Variants in CLVS1 observed in about 807,000 individuals in gnomAD.
CLVS1 encodes the protein clavesin 1.
Under a neutral mutation model 33.1 loss-of-function variants are expected in CLVS1, and 10 were observed. The ratio of observed to expected loss-of-function variants is 0.30; its 90% CI spans 0.19 to 0.51. The LOEUF is 0.51. Ranked by LOEUF, CLVS1 falls within the 20% of genes least tolerant of loss-of-function variation. CLVS1 has a pLI of 0.97. For synonymous variants in CLVS1, 163 were observed against 166.1 expected (o/e 0.98, Z 0.14); for missense variants, 343 against 433.4 (o/e 0.79, Z 1.85).
intron 2 of CLVS1, among the ~76,000 whole-genome samples, chr8:61,270,209 A>T (rs1160084989): frequency 1.3e-5 from 2 of 152,122 alleles, no homozygotes; most frequent in Non-Finnish European, 2.9e-5. Context: ...ATTTATTGAG[A>T]GTTTTTAGCA....
chr8:61,193,215 T>C (rs1009490817), intron 2 of CLVS1, among the ~76,000 whole-genome samples: 2 of 152,190 alleles, frequency 1.3e-5, no homozygotes, highest in African/African-American at 4.8e-5. Flanking sequence ...CTCATGTCCT[T>C]TGTAGGGACA....
At chr8:61,267,641 C>T (rs911602090) in intron 2 of CLVS1, among the ~76,000 whole-genome samples, 10 of 152,170 alleles carry the variant, frequency 6.6e-5, no homozygotes, top group Non-Finnish European at 1.3e-4. Flanking sequence ...ACTTTCCATA[C>T]CAGTTCAGAT....
At chr8:61,249,804 T>G (rs1808894386) in intron 2 of CLVS1, among the ~76,000 whole-genome samples, 1 of 152,248 alleles carries the variant, frequency 6.6e-6, no homozygotes, top group Admixed American at 6.5e-5. Context: ...CTTTGTAGAT[T>G]CTGGATATTA....
chr8:61,111,325 CTTCTT>C (rs1805625037), intron 1 of CLVS1, among the ~76,000 whole-genome samples: 3 of 152,096 alleles, frequency 2.0e-5, no homozygotes, highest in Admixed American at 1.3e-4. Context: ...ACAAGATGGT[CTTCTT>C]CCTCCAAAAG....
At chr8:61,345,792 A>G (rs1367023117) in intron 2 of CLVS1, among the ~76,000 whole-genome samples, 2 of 152,018 alleles carry the variant, frequency 1.3e-5, no homozygotes, top group Admixed American at 1.3e-4. Context: ...AACAGCTTCT[A>G]TTCCTACCTG....
intron 2 of CLVS1, among the ~76,000 whole-genome samples, chr8:61,334,319 G>A (rs558191452): frequency 6.6e-6 from 1 of 152,310 alleles, no homozygotes; most frequent in East Asian, 1.9e-4. Context: ...TGATCAGTGG[G>A]TATTGATCAG....
the CLVS1 span, among the ~76,000 whole-genome samples, chr8:61,014,470 T>C: frequency 6.6e-6 from 1 of 152,168 alleles, no homozygotes; most frequent in African/African-American, 2.4e-5. Context: ...CTTCTAGGAA[T>C]TAAAGGAGTA....
chr8:61,398,007 A>G (rs1424548061), intron 3 of CLVS1, among the ~76,000 whole-genome samples: 2 of 152,076 alleles, frequency 1.3e-5, no homozygotes, highest in Non-Finnish European at 2.9e-5. Context: ...ATATGAATTT[A>G]AGGATTAGCT....
chr8:61,142,587 C>G (rs1250684592), intron 2 of CLVS1, among the ~76,000 whole-genome samples: 3 of 152,208 alleles, frequency 2.0e-5, no homozygotes, highest in Non-Finnish European at 4.4e-5. Flanking sequence ...CAAGTTGAGG[C>G]TACCAGACTG....
the CLVS1 span, among the ~76,000 whole-genome samples, chr8:60,994,833 G>A: frequency 6.6e-6 from 1 of 152,120 alleles, no homozygotes; most frequent in Admixed American, 6.5e-5. Context: ...CAATGGAACA[G>A]AACAGAGCCC....
chr8:61,433,458 G>C (rs113175196), intron 3 of CLVS1, among the ~76,000 whole-genome samples: 6 of 152,310 alleles, frequency 3.9e-5, no homozygotes, highest in African/African-American at 1.4e-4. Context: ...TTGTTTGCCT[G>C]ACTCAGTGCC....
intron 2 of CLVS1, among the ~76,000 whole-genome samples, chr8:61,330,205 G>A (rs1382435622): frequency 6.6e-6 from 1 of 152,150 alleles, no homozygotes; most frequent in East Asian, 1.9e-4. Flanking sequence ...GCTGAGGACT[G>A]ACCAAGGAGC....
chr8:61,334,213 G>A (rs1277577178), intron 2 of CLVS1, among the ~76,000 whole-genome samples: 1 of 152,212 alleles, frequency 6.6e-6, no homozygotes, highest in Non-Finnish European at 1.5e-5. Flanking sequence ...TAGTAGCTCT[G>A]ATGCCAGCCA....
At chr8:60,995,700 G>A in the CLVS1 span, among the ~76,000 whole-genome samples, 2 of 152,180 alleles carry the variant, frequency 1.3e-5, no homozygotes, top group Non-Finnish European at 2.9e-5. Flanking sequence ...CTGCTATAAA[G>A]ACACACGCAC....
intron 1 of CLVS1, chr8:61,292,486 C>A: frequency 2.3e-6 from 1 of 433,012 alleles, no homozygotes; most frequent in Non-Finnish European, 4.7e-6. Context: ...TCCTTTAGGT[C>A]CTCTTCCTTA....
At chr8:61,211,080 A>C (rs1159999031) in intron 2 of CLVS1, among the ~76,000 whole-genome samples, 1 of 152,190 alleles carries the variant, frequency 6.6e-6, no homozygotes, top group Non-Finnish European at 1.5e-5. Context: ...TGTACAATGC[A>C]GTGAAGAGAT....
At chr8:61,010,892 G>T in the CLVS1 span, among the ~76,000 whole-genome samples, 6 of 152,304 alleles carry the variant, frequency 3.9e-5, no homozygotes, top group East Asian at 9.6e-4. Flanking sequence ...GAGAAGCAGC[G>T]CAGCGCCTGG....
At chr8:60,996,175 C>CT in the CLVS1 span, among the ~76,000 whole-genome samples, 6 of 151,978 alleles carry the variant, frequency 3.9e-5, no homozygotes, top group Admixed American at 3.9e-4. Context: ...AAAAAAAATT[C>CT]TTTTTTGGCT....
chr8:61,483,984 T>G (rs1230665891), intron 5 of CLVS1, among the ~76,000 whole-genome samples: 2 of 152,166 alleles, frequency 1.3e-5, no homozygotes, highest in Non-Finnish European at 2.9e-5. Context: ...ACAGCCAATA[T>G]CATACTGAAT....
Sources: allele counts gnomAD v4.1 joint callset (sites outside exome capture counted in the v4.1 genomes callset), GRCh38; gene constraint gnomAD v4.1.1; transcripts MANE v1.5; gene names NCBI Gene and HGNC (gene_info 2026-07-23, HGNC 2026-07-21).